Variants in DCC observed in about 807,000 individuals in gnomAD.
DCC encodes the protein netrin receptor DCC.
DCC carries 58 observed loss-of-function variants against 172.5 expected under a neutral mutation model. That is an observed-to-expected ratio of 0.34 (90% CI 0.27 to 0.42). The LOEUF (loss-of-function observed/expected upper bound fraction) is 0.42. DCC is among the 10% of genes least tolerant of loss of function. DCC has a pLI of 1.00. For synonymous variants in DCC, 709 were observed against 644.5 expected, an observed-to-expected ratio of 1.10 and a Z score of -1.52; for missense variants, 1,740 against 1,791.0, an observed-to-expected ratio of 0.97 and a Z score of 0.51.
rs543250473 is a variant in DCC at position 53,102,280 on chromosome 18, G to A, written c.1261+36114G>A. On this transcript the variant is annotated intron_variant, in intron 7 of 28. Transcript: ENST00000442544. ...TACTTGCCTACTTCATTTTGTTAAA[G>A]ATAAAATGTTCGTCCTATTTTTAAA... 5.3e-5 allele frequency among the ~76,000 whole-genome samples: 8 copies of A among 152,168 alleles called. No individual in the cohort carries two copies. In the South Asian group the frequency reaches 1.7e-3, roughly 32 times the overall value.
intron 5 of DCC, among the ~76,000 whole-genome samples, chr18:52,944,902 CTATT>C (rs1292077100): frequency 9.2e-5 from 14 of 152,082 alleles, no homozygotes; most frequent in African/African-American, 3.4e-4. Flanking sequence ...TTTTAGTTGT[CTATT>C]TATTTTAGTC....
chr18:52,861,992 A>C (rs2039150665), intron 2 of DCC, among the ~76,000 whole-genome samples: 1 of 152,186 alleles, frequency 6.6e-6, no homozygotes, highest in Non-Finnish European at 1.5e-5. Context: ...CTGACAAGGA[A>C]ACTTTGTTGT....
intron 15 of DCC, among the ~76,000 whole-genome samples, chr18:53,347,987 C>A (rs955177199): frequency 6.6e-6 from 1 of 152,024 alleles, no homozygotes; most frequent in African/African-American, 2.4e-5. Context: ...GGGGACACAG[C>A]GAAACCATAT....
chr18:53,257,136 T>A (rs1262032254), intron 12 of DCC, among the ~76,000 whole-genome samples: 1 of 152,214 alleles, frequency 6.6e-6, no homozygotes, highest in Admixed American at 6.5e-5. Flanking sequence ...GTTTTCTAGA[T>A]GTACAATCAT....
intron 1 of DCC, among the ~76,000 whole-genome samples, chr18:52,492,687 A>G (rs1011590214): frequency 6.6e-6 from 1 of 152,100 alleles, no homozygotes; most frequent in African/African-American, 2.4e-5. Flanking sequence ...TGAGCAACTG[A>G]GACTTCCCCA....
At chr18:52,992,951 C>A (rs1229844335) in intron 5 of DCC, among the ~76,000 whole-genome samples, 1 of 150,686 alleles carries the variant, frequency 6.6e-6, no homozygotes, top group Non-Finnish European at 1.5e-5. Context: ...TGCACTACAG[C>A]CTGGGTGACA....
At chr18:53,221,287 C>T (rs1400898075) in intron 12 of DCC, among the ~76,000 whole-genome samples, 6 of 151,966 alleles carry the variant, frequency 3.9e-5, no homozygotes, top group Non-Finnish European at 8.8e-5. Context: ...TCCATCTTCC[C>T]AAACTAAAAC....
At chr18:52,759,554 A>C (rs903426459) in intron 2 of DCC, among the ~76,000 whole-genome samples, 3 of 152,156 alleles carry the variant, frequency 2.0e-5, no homozygotes, top group African/African-American at 7.2e-5. Context: ...CTACAGTTCG[A>C]TTTTGCTGGT....
intron 2 of DCC, among the ~76,000 whole-genome samples, chr18:52,888,425 C>T (rs1031362415): frequency 2.6e-5 from 4 of 152,098 alleles, no homozygotes; most frequent in Non-Finnish European, 4.4e-5. Flanking sequence ...AATAATAAGG[C>T]ATCTTCTCTG....
chr18:53,160,105 C>T (rs1454964126), intron 8 of DCC, among the ~76,000 whole-genome samples: 1 of 152,146 alleles, frequency 6.6e-6, no homozygotes, highest in African/African-American at 2.4e-5. Context: ...TAATTGTTCA[C>T]AGGCCTGCTT....
At chr18:53,500,425 G>C (rs1330731891) in intron 27 of DCC, among the ~76,000 whole-genome samples, 2 of 152,064 alleles carry the variant, frequency 1.3e-5, no homozygotes, top group Non-Finnish European at 2.9e-5. Flanking sequence ...ATAGGCAGCT[G>C]AACTGGGCTA....
chr18:53,063,584 G>A (rs2042526633), intron 6 of DCC, 125 bp downstream of exon 6: 3 of 747,646 alleles, frequency 4.0e-6, no homozygotes, highest in Admixed American at 2.7e-5. Context: ...TGTTAAAAAA[G>A]TTATTCAAAT....
chr18:52,831,739 CA>C (rs1246172361), intron 2 of DCC, among the ~76,000 whole-genome samples: 1 of 151,892 alleles, frequency 6.6e-6, no homozygotes, highest in African/African-American at 2.4e-5. Context: ...CAAGTTTCAA[CA>C]TTTAAGTGAA....
intron 3 of DCC, among the ~76,000 whole-genome samples, chr18:52,918,993 C>T (rs1181513038): frequency 6.6e-6 from 1 of 152,116 alleles, no homozygotes; most frequent in Non-Finnish European, 1.5e-5. Flanking sequence ...AACAGTTTCT[C>T]TGCTGGTTAC....
chr18:52,903,214 TTC>T (rs2039834614), intron 2 of DCC, among the ~76,000 whole-genome samples: 1 of 152,224 alleles, frequency 6.6e-6, no homozygotes. Flanking sequence ...GTTTTATTAT[TTC>T]TTTTTTTGAG....
At chr18:52,921,226 C>T (rs1045688625) in intron 3 of DCC, among the ~76,000 whole-genome samples, 1 of 152,014 alleles carries the variant, frequency 6.6e-6, no homozygotes, top group Non-Finnish European at 1.5e-5. Flanking sequence ...ACAACTATAC[C>T]ACATTAGTGT....
chr18:53,262,295 T>C (rs2144685892), intron 12 of DCC, among the ~76,000 whole-genome samples: 1 of 152,336 alleles, frequency 6.6e-6, no homozygotes, highest in African/African-American at 2.4e-5. Context: ...AAATCAACTC[T>C]ATATACAGAC....
At chr18:52,398,371 T>C (rs1986311083) in intron 1 of DCC, among the ~76,000 whole-genome samples, 1 of 152,032 alleles carries the variant, frequency 6.6e-6, no homozygotes, top group Non-Finnish European at 1.5e-5. Context: ...CTCTCATCTG[T>C]GGGTTTTTTC....
intron 1 of DCC, among the ~76,000 whole-genome samples, chr18:52,456,262 G>A (rs550245718): frequency 6.6e-6 from 1 of 152,148 alleles, no homozygotes; most frequent in East Asian, 1.9e-4. Flanking sequence ...GATTATTATT[G>A]CTATTGTTAC....
Sources: gnomAD v4.1 joint callset for allele counts (sites outside exome capture counted in the v4.1 genomes callset) on GRCh38, gnomAD v4.1.1 for gene constraint, MANE v1.5 for transcripts, NCBI Gene and HGNC (gene_info 2026-07-23, HGNC 2026-07-21) for gene names.